Variants in PEAK1 observed in about 807,000 individuals in gnomAD.
The protein encoded by PEAK1 is inactive tyrosine-protein kinase PEAK1.
Under a neutral mutation model 124.7 loss-of-function variants are expected in PEAK1, and 54 were observed. That is an observed-to-expected ratio of 0.43 (90% CI 0.35 to 0.54). The LOEUF (loss-of-function observed/expected upper bound fraction) is 0.54, where lower values mean the gene tolerates loss of function less well. Among genes scored for constraint, PEAK1 ranks in the 20% least tolerant of loss-of-function variants. The pLI, the probability that PEAK1 is intolerant of heterozygous loss-of-function variation, is 0.01. For synonymous variants in PEAK1, 719 were observed against 760.0 expected, an observed-to-expected ratio of 0.95 and a Z score of 0.89; for missense variants, 2,046 against 2,134.5, an observed-to-expected ratio of 0.96 and a Z score of 0.82.
chr15:77,250,175 G>GTATATGTATATATATACACATATACATA (rs2060789126), intron 6 of PEAK1, among the ~76,000 whole-genome samples: 1 of 130,874 alleles, frequency 7.6e-6, no homozygotes, highest in African/African-American at 3.1e-5. Context: ...ACATATATAT[G>GTATATGTATATATATACACATATACATA]TATATGTATA....
intron 1 of PEAK1, among the ~76,000 whole-genome samples, chr15:77,389,025 C>T (rs144603185): frequency 6.2e-5 from 9 of 145,658 alleles, no homozygotes; most frequent in Middle Eastern, 3.8e-3. Context: ...TGCAATGGTG[C>T]TATCTTGGCT....
intron 6 of PEAK1, among the ~76,000 whole-genome samples, chr15:77,190,629 C>G (rs1295791704): frequency 6.6e-6 from 1 of 152,150 alleles, no homozygotes; most frequent in Non-Finnish European, 1.5e-5. Flanking sequence ...TGACACCAAG[C>G]ACACTACTTT....
chr15:77,386,362 A>G (rs1402937257), intron 1 of PEAK1, among the ~76,000 whole-genome samples: 3 of 152,210 alleles, frequency 2.0e-5, no homozygotes, highest in Non-Finnish European at 2.9e-5. Flanking sequence ...CTTCTTCATC[A>G]ATATTTGAAT....
At chr15:77,264,952 A>G (rs1399818478) in intron 5 of PEAK1, among the ~76,000 whole-genome samples, 2 of 152,198 alleles carry the variant, frequency 1.3e-5, no homozygotes, top group East Asian at 1.9e-4. Flanking sequence ...ATAACACTGC[A>G]TATCTGCAAC....
At chr15:77,104,250 G>A (rs1301051071), downstream of PEAK1, 1 of 152,450 alleles carries the variant, frequency 6.6e-6, no homozygotes, top group African/African-American at 2.4e-5. Context: ...CCTGGACCAG[G>A]GCCTGGCCCA....
chr15:77,240,384 C>T (rs994925968), intron 6 of PEAK1, among the ~76,000 whole-genome samples: 1 of 151,776 alleles, frequency 6.6e-6, no homozygotes, highest in African/African-American at 2.4e-5. Context: ...CTGTGGGAGG[C>T]CAAGGTGGGA....
intron 1 of PEAK1, among the ~76,000 whole-genome samples, chr15:77,385,338 C>A (rs554352412): frequency 2.6e-4 from 40 of 152,154 alleles, no homozygotes; most frequent in Admixed American, 7.8e-4. Flanking sequence ...AAATAGAAGA[C>A]AATTGTTTTA....
At chr15:77,262,229 A>G (rs1345702760) in intron 5 of PEAK1, among the ~76,000 whole-genome samples, 2 of 152,222 alleles carry the variant, frequency 1.3e-5, no homozygotes, top group Non-Finnish European at 2.9e-5. Context: ...AGCTAACATC[A>G]TAATGACAGG....
chr15:77,224,513 T>C (rs1407414974), intron 6 of PEAK1, among the ~76,000 whole-genome samples: 1 of 152,084 alleles, frequency 6.6e-6, no homozygotes, highest in African/African-American at 2.4e-5. Context: ...GTCTGCCTTA[T>C]TTGAGTAAGC....
At chr15:77,348,238 C>T (rs913230693) in intron 2 of PEAK1, 139 of 959,704 alleles carry the variant, frequency 1.4e-4, no homozygotes, top group Admixed American at 5.6e-4. Flanking sequence ...TACTGGAATC[C>T]CACCTCTCAC....
chr15:77,381,373 C>T (rs1360559971), intron 1 of PEAK1: 3 of 763,428 alleles, frequency 3.9e-6, no homozygotes, highest in South Asian at 5.9e-5. Flanking sequence ...TATGATGGTG[C>T]CTGTGAATAG....
intron 2 of PEAK1, among the ~76,000 whole-genome samples, chr15:77,295,492 A>G (rs2063438363): frequency 6.6e-6 from 1 of 152,184 alleles, no homozygotes; most frequent in African/African-American, 2.4e-5. Flanking sequence ...CAAATATTCA[A>G]CTATCTCAAC....
At chr15:77,258,990 G>GT (rs2061309465) in intron 5 of PEAK1, among the ~76,000 whole-genome samples, 1 of 152,004 alleles carries the variant, frequency 6.6e-6, no homozygotes, top group South Asian at 2.1e-4. Context: ...TAATCATGTG[G>GT]TTTTTGTCTT....
At chr15:77,290,148 CAG>C (rs1190844827) in intron 2 of PEAK1, among the ~76,000 whole-genome samples, 7 of 152,000 alleles carry the variant, frequency 4.6e-5, no homozygotes, top group Non-Finnish European at 8.8e-5. Context: ...TGTTTTGAGA[CAG>C]AGTCTCACTC....
chr15:77,173,926 G>T (rs1241917873), intron 7 of PEAK1, among the ~76,000 whole-genome samples: 2 of 152,158 alleles, frequency 1.3e-5, no homozygotes, highest in African/African-American at 4.8e-5. Flanking sequence ...AGGGTAGAGG[G>T]CCTAATAACA....
At chr15:77,169,735 T>C (rs767967740) in intron 7 of PEAK1, among the ~76,000 whole-genome samples, 1 of 152,108 alleles carries the variant, frequency 6.6e-6, no homozygotes, top group Non-Finnish European at 1.5e-5. Context: ...TAGAGAGAAG[T>C]AGATAATTTG....
chr15:77,366,003 G>GA (rs1200364245), intron 1 of PEAK1, among the ~76,000 whole-genome samples: 2 of 151,998 alleles, frequency 1.3e-5, no homozygotes, highest in Non-Finnish European at 1.5e-5. Flanking sequence ...ATGAAAAATG[G>GA]AAAAAATGTT....
intron 2 of PEAK1, among the ~76,000 whole-genome samples, chr15:77,355,307 T>C (rs2067451034): frequency 6.6e-6 from 1 of 152,194 alleles, no homozygotes. Flanking sequence ...TTGATATAAG[T>C]AATTTAAAAC....
At chr15:77,394,544 G>A (rs4886515) in intron 1 of PEAK1, among the ~76,000 whole-genome samples, 99,669 of 151,972 alleles carry the variant, frequency 0.66, 33,634 homozygotes, top group Non-Finnish European at 0.75. Flanking sequence ...CACCTCTATG[G>A]GTCTGCAAAA....
Sources: allele counts gnomAD v4.1 joint callset (sites outside exome capture counted in the v4.1 genomes callset), GRCh38; gene constraint gnomAD v4.1.1; transcripts MANE v1.5; gene names NCBI Gene and HGNC (gene_info 2026-07-23, HGNC 2026-07-21).